Variants in SLC44A5 observed in about 807,000 individuals in gnomAD.
SLC44A5 encodes choline transporter-like protein 5.
A neutral mutation model predicts 101.8 loss-of-function variants in SLC44A5; 57 were observed. That is an observed-to-expected ratio of 0.56 (90% CI 0.45 to 0.70). The LOEUF (loss-of-function observed/expected upper bound fraction) is 0.70, where lower values mean the gene tolerates loss of function less well. Among genes scored for constraint, SLC44A5 ranks in the 30% least tolerant of loss-of-function variants. The pLI is 0.00. For missense variants in SLC44A5, 737 were observed against 853.1 expected (o/e 0.86, Z 1.70); for synonymous variants, 281 against 290.9 (o/e 0.97, Z 0.35).
chr1:75,257,296 C>T (rs1471452205), intron 6 of SLC44A5, among the ~76,000 whole-genome samples: 1 of 152,146 alleles, frequency 6.6e-6, no homozygotes, highest in East Asian at 1.9e-4. Flanking sequence ...CACATAGATG[C>T]TGAATTGGAT....
At chr1:75,374,822 C>A (rs1249171459) in intron 3 of SLC44A5, among the ~76,000 whole-genome samples, 1 of 152,148 alleles carries the variant, frequency 6.6e-6, no homozygotes, top group Non-Finnish European at 1.5e-5. Flanking sequence ...ACAACATACA[C>A]CACAGTCAAA....
chr1:75,672,023 A>G, the SLC44A5 span, among the ~76,000 whole-genome samples: 1 of 151,616 alleles, frequency 6.6e-6, no homozygotes, highest in African/African-American at 2.4e-5. Context: ...CATTTCCACC[A>G]CAGCAACACC....
At chr1:75,682,737 A>G in the SLC44A5 span, among the ~76,000 whole-genome samples, 1 of 151,444 alleles carries the variant, frequency 6.6e-6, no homozygotes, top group South Asian at 2.1e-4. Flanking sequence ...ATGGCAACAA[A>G]AGCCAAAATT....
chr1:75,609,838 G>A (rs1675548265), intron 1 of SLC44A5, among the ~76,000 whole-genome samples: 1 of 152,032 alleles, frequency 6.6e-6, no homozygotes, highest in Admixed American at 6.6e-5. Context: ...CTAATGTTAT[G>A]TAACCTATTA....
At chr1:75,532,942 TTTATC>T (rs1204398733) in intron 2 of SLC44A5, among the ~76,000 whole-genome samples, 1 of 152,236 alleles carries the variant, frequency 6.6e-6, no homozygotes, top group African/African-American at 2.4e-5. Context: ...ATTATTGATA[TTTATC>T]TTATTACTAA....
the SLC44A5 span, among the ~76,000 whole-genome samples, chr1:75,700,249 C>G: frequency 6.6e-6 from 1 of 152,116 alleles, no homozygotes; most frequent in Non-Finnish European, 1.5e-5. Context: ...TGACCACATA[C>G]TTGGAAGTAA....
rs777781889 is a variant in SLC44A5, at chr1:75,241,970, A to C, written c.532+31T>G. ...ATTAAGTAGCATTTTGGTAGATCCT[A>C]TGTTTCTAAGGTAAAATAGTTGCCA... On this transcript the variant is annotated intron_variant, in intron 9 of 23. Coordinates refer to ENST00000370859, the MANE Select transcript of SLC44A5 (RefSeq NM_001130058.2). 9.9e-5 allele frequency: 156 copies of C among 1,579,200 alleles called. No individual in the cohort carries two copies. The African/African-American group carries it at 1.3e-3, about 13-fold the overall frequency.
chr1:75,225,376 A>G (rs1173695448), intron 13 of SLC44A5, among the ~76,000 whole-genome samples: 1 of 152,154 alleles, frequency 6.6e-6, no homozygotes, highest in Non-Finnish European at 1.5e-5. Flanking sequence ...TTGCCTAACA[A>G]TGCATTTCTC....
At chr1:75,293,238 C>T (rs1218064950) in intron 5 of SLC44A5, among the ~76,000 whole-genome samples, 11 of 152,164 alleles carry the variant, frequency 7.2e-5, no homozygotes, top group Admixed American at 4.6e-4. Context: ...GTACCAGGAG[C>T]GAGTATTATG....
chr1:75,219,930 A>G, intron 14 of SLC44A5, 38 bp from the exon 15 acceptor site: 1 of 1,384,584 alleles, frequency 7.2e-7, no homozygotes, highest in Non-Finnish European at 1.0e-6. Context: ...AATTGTTAAA[A>G]CTAGAAATAA....
the SLC44A5 span, among the ~76,000 whole-genome samples, chr1:75,697,495 T>C: frequency 6.6e-6 from 1 of 151,938 alleles, no homozygotes; most frequent in South Asian, 2.1e-4. Context: ...TGCAAGAAAA[T>C]AGAAAAGTAG....
At chr1:75,564,614 T>TATTTATTTATTTATTTATTA (rs1672694760) in intron 1 of SLC44A5, among the ~76,000 whole-genome samples, 1 of 148,268 alleles carries the variant, frequency 6.7e-6, no homozygotes. Flanking sequence ...TTTATTTATT[T>TATTTATTTATTTATTTATTA]ATTTATTTAT....
chr1:75,242,776 T>C (rs531248427), intron 8 of SLC44A5, 110 bp downstream of exon 8: 1 of 1,260,076 alleles, frequency 7.9e-7, no homozygotes, highest in Admixed American at 2.4e-5. Flanking sequence ...TTGTATCTAA[T>C]CATTTCCTAG....
At chr1:75,463,985 G>A (rs1182345193) in intron 2 of SLC44A5, among the ~76,000 whole-genome samples, 6 of 152,008 alleles carry the variant, frequency 3.9e-5, no homozygotes, top group Admixed American at 3.9e-4. Context: ...CACTTTGAGA[G>A]GCCAAGGCAG....
intron 2 of SLC44A5, among the ~76,000 whole-genome samples, chr1:75,416,689 G>A (rs1204400849): frequency 6.6e-6 from 1 of 152,186 alleles, no homozygotes; most frequent in East Asian, 1.9e-4. Flanking sequence ...AAAGCCACAG[G>A]GGCAGAGCTG....
chr1:75,349,633 C>G (rs1489740090), intron 3 of SLC44A5, among the ~76,000 whole-genome samples: 3 of 151,996 alleles, frequency 2.0e-5, no homozygotes, highest in Non-Finnish European at 2.9e-5. Flanking sequence ...TAAGCCAGAT[C>G]AAAGACTTTT....
chr1:75,635,587 A>G, the SLC44A5 span, among the ~76,000 whole-genome samples: 1 of 144,840 alleles, frequency 6.9e-6, no homozygotes, highest in Non-Finnish European at 1.5e-5. Context: ...GTTCTCACTC[A>G]TAGGTGGGAA....
At chr1:75,404,896 A>T (rs1228508208) in intron 2 of SLC44A5, among the ~76,000 whole-genome samples, 1 of 152,252 alleles carries the variant, frequency 6.6e-6, no homozygotes. Context: ...AAAGACACAG[A>T]CTGGCAAATT....
At chr1:75,471,478 G>T (rs1667107448) in intron 2 of SLC44A5, among the ~76,000 whole-genome samples, 1 of 151,854 alleles carries the variant, frequency 6.6e-6, no homozygotes, top group Non-Finnish European at 1.5e-5. Context: ...AATGACATAA[G>T]CAGCTTCCAA....
Sources: allele counts gnomAD v4.1 joint callset (sites outside exome capture counted in the v4.1 genomes callset), GRCh38; gene constraint gnomAD v4.1.1; transcripts MANE v1.5; gene names NCBI Gene and HGNC (gene_info 2026-07-23, HGNC 2026-07-21).